The following ANKAR variants were observed in gnomAD, a reference collection of about 807,000 sequenced individuals.
ANKAR encodes the protein ankyrin and armadillo repeat containing, also known as ankyrin and armadillo repeat-containing protein.
A neutral mutation model predicts 146.2 loss-of-function variants in ANKAR; 136 were observed. That is an observed-to-expected ratio of 0.93 (90% CI 0.81 to 1.07). The LOEUF is 1.07. Among genes scored for constraint, ANKAR ranks in the 50% least tolerant of loss-of-function variants. The pLI, the probability that ANKAR is intolerant of heterozygous loss-of-function variation, is 0.00. For synonymous variants in ANKAR, 500 were observed against 575.8 expected (o/e 0.87, Z 1.88); for missense variants, 1,567 against 1,679.9 (o/e 0.93, Z 1.18).
chr2:189,732,714 G>C (rs866748899), intron 16 of ANKAR, among the ~76,000 whole-genome samples: 15 of 149,416 alleles, frequency 1.0e-4, no homozygotes, highest in Admixed American at 3.3e-4. Context: ...ACAACTCAAT[G>C]GTCAGTAGTT....
At chr2:189,762,570 A>T, downstream of ANKAR, 1 of 984,548 alleles carries the variant, frequency 1.0e-6, no homozygotes, top group Non-Finnish European at 1.2e-6. Flanking sequence ...AACCCACGTG[A>T]CTTGGGTAGC....
At position 189,738,586 on chromosome 2, in the gene ANKAR, A is replaced by C. The variant is rs779283126; in HGVS notation, c.3604A>C (p.Ile1202Leu). ...AFQIVVLAKV[I>L]RDMDHITLSA... ...TCAGATTGTTGTACTGGCTAAAGTC[A>C]TTAGAGATATGGACCATATTACTTT... Residue 1202 changes from isoleucine (I) to leucine (L), a missense_variant, in exon 19 of 23, where the codon ATT (isoleucine) becomes CTT (leucine). Physicochemically the swap from Ile to Leu is conservative, Grantham distance 5. Coordinates refer to ENST00000684021, the MANE Select transcript of ANKAR (RefSeq NM_001378068.1). 4.4e-6 allele frequency: 7 copies of C among 1,608,178 alleles called. No homozygotes were observed. The highest frequency in any genetic ancestry group is 5.1e-6 in the Non-Finnish European group (6 of 1,176,398).
chr2:189,746,258 T>C, intron 22 of ANKAR, 122 bp from the exon 23 acceptor site: 3 of 1,193,098 alleles, frequency 2.5e-6, no homozygotes, highest in Non-Finnish European at 3.5e-6. Flanking sequence ...TGTCTGGAAG[T>C]ACTGATCTGT....
At position 189,705,195 on chromosome 2, in the gene ANKAR, T is replaced by A; in HGVS notation, c.1881T>A (p.Pro627=). The A allele has an allele frequency of 6.2e-7, 1 of 1,614,142 alleles. No homozygotes were observed. The highest frequency in any genetic ancestry group is 2.2e-5 in the East Asian group (1 of 44,878). The change falls in exon 8 of 23, where the codon CCT becomes CCA. Residue 627 remains proline (P), a synonymous_variant. Transcript: ENST00000684021. Reference sequence around the variant, plus strand: ...TTATTGCTCTCTGTAGGAAGGATCCTAGTTTGCTAGAAGCTGAGGCAACAG... The same window carrying A: ...TTATTGCTCTCTGTAGGAAGGATCCAAGTTTGCTAGAAGCTGAGGCAACAG... ...CIIIALCRKD[P]SLLEAEATAE...
chr2:189,743,999 A>G (rs908107812), intron 21 of ANKAR, among the ~76,000 whole-genome samples: 7 of 152,198 alleles, frequency 4.6e-5, no homozygotes, highest in Admixed American at 2.0e-4. Context: ...CCCCCCAAAA[A>G]GGGAGGAGAA....
At chr2:189,713,024 G>A (rs2039921237) in intron 10 of ANKAR, among the ~76,000 whole-genome samples, 1 of 151,986 alleles carries the variant, frequency 6.6e-6, no homozygotes, top group South Asian at 2.1e-4. Context: ...AAGGGTATCA[G>A]TGATTGAAGA....
At chr2:189,703,843 C>T (rs1036361534) in intron 7 of ANKAR, among the ~76,000 whole-genome samples, 16 of 152,240 alleles carry the variant, frequency 1.1e-4, no homozygotes, top group African/African-American at 3.6e-4. Flanking sequence ...GTGTAAAATA[C>T]TACTGAGAAA....
At chr2:189,719,193 A>G (rs1468147953) in intron 10 of ANKAR, among the ~76,000 whole-genome samples, 1 of 152,256 alleles carries the variant, frequency 6.6e-6, no homozygotes. Flanking sequence ...AAATAATTGC[A>G]TAAGCAGTGC....
chr2:189,703,891 T>G (rs1462830626), intron 7 of ANKAR, among the ~76,000 whole-genome samples: 3 of 152,156 alleles, frequency 2.0e-5, no homozygotes, highest in Non-Finnish European at 4.4e-5. Flanking sequence ...AGTTGGACTT[T>G]AGTGAGAATT....
At chr2:189,695,688 T>A (rs1032127661) in intron 6 of ANKAR, among the ~76,000 whole-genome samples, 1 of 152,240 alleles carries the variant, frequency 6.6e-6, no homozygotes, top group African/African-American at 2.4e-5. Flanking sequence ...TGGTATTTAC[T>A]TTCCATTTAT....
At chr2:189,717,414 G>A (rs1390853010) in intron 10 of ANKAR, among the ~76,000 whole-genome samples, 1 of 152,134 alleles carries the variant, frequency 6.6e-6, no homozygotes, top group Non-Finnish European at 1.5e-5. Flanking sequence ...TTAGAATGGA[G>A]ATCATTAAAA....
At chr2:189,679,745 G>T (rs2105737246) in intron 2 of ANKAR, among the ~76,000 whole-genome samples, 1 of 152,214 alleles carries the variant, frequency 6.6e-6, no homozygotes, top group Admixed American at 6.5e-5. Flanking sequence ...CTGTCTGTAT[G>T]ATGTATCACA....
intron 12 of ANKAR, among the ~76,000 whole-genome samples, chr2:189,722,980 G>A (rs1351317183): frequency 6.6e-6 from 1 of 151,794 alleles, no homozygotes; most frequent in African/African-American, 2.4e-5. Context: ...TCACTCCAAG[G>A]AAGATAACTT....
intron 2 of ANKAR, among the ~76,000 whole-genome samples, chr2:189,681,982 G>T (rs115037720): frequency 0.016 from 2,482 of 152,234 alleles, 67 homozygotes; most frequent in African/African-American, 0.057. Context: ...CATTCTGACT[G>T]CTCTCTGCCT....
chr2:189,718,951 T>A (rs983175006), intron 10 of ANKAR, among the ~76,000 whole-genome samples: 2 of 151,480 alleles, frequency 1.3e-5, no homozygotes, highest in East Asian at 3.9e-4. Context: ...GGGTTTCACC[T>A]TGTTAGCCAG....
At chr2:189,698,821 C>T (rs187616601) in intron 7 of ANKAR, among the ~76,000 whole-genome samples, 2 of 152,210 alleles carry the variant, frequency 1.3e-5, no homozygotes, top group Non-Finnish European at 2.9e-5. Flanking sequence ...GCTTTTTCTG[C>T]AGGTGCAGGA....
intron 18 of ANKAR, chr2:189,754,090 G>A (rs941170620): frequency 1.2e-6 from 2 of 1,611,592 alleles, no homozygotes; most frequent in Non-Finnish European, 1.7e-6. Flanking sequence ...GCTATTTTTA[G>A]GCACAATCCA....
At chr2:189,697,120 G>A (rs537591377) in intron 7 of ANKAR, among the ~76,000 whole-genome samples, 4 of 152,156 alleles carry the variant, frequency 2.6e-5, no homozygotes, top group Admixed American at 6.5e-5. Flanking sequence ...GGCAGGTGTA[G>A]TGGCTCACTA....
intron 10 of ANKAR, among the ~76,000 whole-genome samples, chr2:189,714,805 G>A (rs2040192379): frequency 6.6e-6 from 1 of 152,004 alleles, no homozygotes; most frequent in Non-Finnish European, 1.5e-5. Flanking sequence ...AATTAGCCAG[G>A]CGTGGTGGTG....
Sources: allele counts gnomAD v4.1 joint callset (sites outside exome capture counted in the v4.1 genomes callset), GRCh38; gene constraint gnomAD v4.1.1; transcripts MANE v1.5; gene names NCBI Gene and HGNC (gene_info 2026-07-23, HGNC 2026-07-21).